Variants in MYO15A observed in about 807,000 individuals in gnomAD.
The protein encoded by MYO15A is unconventional myosin-XV.
A neutral mutation model predicts 394.6 loss-of-function variants in MYO15A; 308 were observed. The observed-to-expected ratio is 0.78, with a 90% CI of 0.71 to 0.86. The LOEUF (loss-of-function observed/expected upper bound fraction) is 0.86, where lower values mean the gene tolerates loss of function less well. Among genes scored for constraint, MYO15A ranks in the 40% least tolerant of loss-of-function variants. The probability of loss-of-function intolerance (pLI) is 0.00; values close to 1 mark genes in which losing one functional copy is unlikely to be tolerated. For missense variants in MYO15A, 4,606 were observed against 4,799.1 expected, an observed-to-expected ratio of 0.96 and a Z score of 1.19; for synonymous variants, 1,957 against 2,003.8, an observed-to-expected ratio of 0.98 and a Z score of 0.62.
At position 18,145,797 on chromosome 17, in the gene MYO15A, G is replaced by C. The variant is rs886345023; in HGVS notation, c.6274-75G>C. 1.6e-4 allele frequency: 209 copies of C among 1,299,772 alleles called. 1 individual carries two copies. Among genetic ancestry groups the C allele is most frequent in the Non-Finnish European group, 1.7e-5 (15 of 904,674 alleles). The allele number at this position is 1,299,772 out of a possible 1,614,324, so 80.5% of individuals were successfully genotyped here. On this transcript the variant is annotated intron_variant, in intron 29 of 65. Coordinates refer to ENST00000647165, the MANE Select transcript of MYO15A (RefSeq NM_016239.4). ...GGGCACACATGGGAGGGACATGAGA[G>C]GGATGCATGTTGTGGGGTGGGGACT...
At chr17:18,145,722 C>A (rs1490698319) in intron 29 of MYO15A, 150 bp from the exon 30 acceptor site, 11 of 679,976 alleles carry the variant, frequency 1.6e-5, no homozygotes, top group African/African-American at 5.4e-5. Flanking sequence ...AAAAAATATT[C>A]TATATATATA....
At position 18,139,523 on chromosome 17, in the gene MYO15A, C is replaced by T. The variant is rs1329159431; in HGVS notation, c.5134-11C>T. On this transcript the variant is annotated splice_polypyrimidine_tract_variant and intron_variant, in intron 18 of 65. Coordinates refer to ENST00000647165, the MANE Select transcript of MYO15A (RefSeq NM_016239.4). The stretch of plus-strand genomic sequence containing the variant: ...GGCCAGGATTACCCAGGCCATTGTT[C>T]CCCTTTTCAGGTGCACAAGTTCCTG... 1 of 1,613,508 alleles carries T rather than the reference C, an allele frequency of 6.2e-7. No homozygotes were observed. Among genetic ancestry groups the T allele is most frequent in the Non-Finnish European group, 8.5e-7 (1 of 1,179,760 alleles).
chr17:18,116,526 A>T (rs2045787508), intron 1 of MYO15A, among the ~76,000 whole-genome samples: 1 of 152,222 alleles, frequency 6.6e-6, no homozygotes, highest in Non-Finnish European at 1.5e-5. Flanking sequence ...ACCTGCTGTG[A>T]GAGTCCCATG....
rs971920433 is a variant in MYO15A at position 18,167,696 on chromosome 17, C to A, written c.10055C>A (p.Ala3352Asp). ...VSKLASLQHR[A>D]KDHFYLPSVR... ...AAGCTGGCTTCACTGCAGCATCGCG[C>A]CAAGGACCACTTCTACCTGCCGAGC... is the stretch of plus-strand genomic sequence containing the variant. Residue 3352 changes from alanine (A) to aspartate (D), a missense_variant, in exon 62 of 66, where the codon GCC becomes GAC. By Grantham distance (126) the Ala-to-Asp change is moderately radical (BLOSUM62 -2). Coordinates refer to ENST00000647165, the MANE Select transcript of MYO15A (RefSeq NM_016239.4). 6.2e-7 allele frequency: 1 copy of A among 1,603,996 alleles called. No homozygotes were observed. The highest frequency in any genetic ancestry group is 2.2e-5 in the East Asian group (1 of 44,876).
chr17:18,128,210 G>A (rs1269249470), intron 7 of MYO15A, among the ~76,000 whole-genome samples: 19 of 152,136 alleles, frequency 1.2e-4, no homozygotes, highest in Admixed American at 1.2e-3. Flanking sequence ...GGCAGGCTGG[G>A]CAGTGGAGGA....
At chr17:18,146,765 A>C (rs1291498958) in intron 30 of MYO15A, among the ~76,000 whole-genome samples, 1 of 152,100 alleles carries the variant, frequency 6.6e-6, no homozygotes, top group African/African-American at 2.4e-5. Context: ...TCTCTGCAAA[A>C]AATTTAAAAA....
chr17:18,119,479 G>C lies in MYO15A; in HGVS notation c.679G>C (p.Glu227Gln). ...CTCCCGCAAGTCGCTGTACGGGCTT[G>C]AGGGCTTCCAGGACCTGGGCGAGTA... The part of the protein sequence containing the change: ...SGSRKSLYGL[E>Q]GFQDLGEYYD... Residue 227 changes from glutamate (E) to glutamine (Q), a missense_variant, in exon 2 of 66, where the codon GAG (glutamate) becomes CAG (glutamine). This residue lies in a region of MYO15A where 1,830 missense variants were observed against 1,689.7 expected (regional missense o/e 1.08). Coordinates refer to ENST00000647165, the MANE Select transcript of MYO15A (RefSeq NM_016239.4). 6.2e-7 allele frequency: 1 copy of C among 1,612,676 alleles called. No homozygotes were observed. Among genetic ancestry groups the C allele is most frequent in the Non-Finnish European group, 8.5e-7 (1 of 1,179,996 alleles).
At position 18,120,432 on chromosome 17, in the gene MYO15A, C is replaced by A. The variant is rs752316162; in HGVS notation, c.1632C>A (p.Arg544=). ...CGCCGCGCCAGCGCAACCTCCAGCG[C>A]GCGCTGTCGGCCTTCGGCGCCCACC... is the stretch of plus-strand genomic sequence containing the variant. ...FLTPRQRNLQ[R]ALSAFGAHRG... The change falls in exon 2 of 66, where the codon CGC becomes CGA. Residue 544 remains arginine, a synonymous_variant. Transcript: ENST00000647165. The A allele has an allele frequency of 1.9e-5, 30 of 1,592,524 alleles. No homozygotes were observed. Among genetic ancestry groups the A allele is most frequent in the Non-Finnish European group, 2.6e-5 (30 of 1,171,564 alleles).
Position 18,159,993 on chromosome 17 carries a change from T to A in MYO15A, c.9362T>A (p.Ile3121Asn). The A allele has an allele frequency of 6.2e-7, 1 of 1,613,224 alleles. No homozygotes were observed. The change falls in exon 56 of 66, where the codon ATC (isoleucine) becomes AAC (asparagine). Residue 3121 changes from isoleucine to asparagine, a missense_variant. Physicochemically the swap from Ile to Asn is moderately radical, Grantham distance 149 (BLOSUM62 -3). Around this residue, in one of 2 missense-constraint regions of MYO15A, gnomAD observed 2,776 missense variants for 3,109.3 expected, o/e 0.89. Coordinates refer to ENST00000647165, the MANE Select transcript of MYO15A (RefSeq NM_016239.4). ...DECYCQVVKQITDNTSSKQDS... is the reference protein window; with the variant it reads ...DECYCQVVKQNTDNTSSKQDS... ...TGTTACTGCCAAGTTGTGAAGCAGA[T>A]CACAGACAATACCAGCTCCAAGCAG...
chr17:18,159,453 C>T (rs1427538801), intron 54 of MYO15A, 106 bp downstream of exon 54: 13 of 1,494,318 alleles, frequency 8.7e-6, no homozygotes, highest in African/African-American at 2.8e-5. Flanking sequence ...CTTTCCCTCC[C>T]GCCAGCTCAG....
At chr17:18,173,583 T>A in intron 64 of MYO15A, 198 bp from the exon 65 acceptor site, 1 of 683,404 alleles carries the variant, frequency 1.5e-6, no homozygotes, top group South Asian at 1.7e-5. Flanking sequence ...ATTTGTTGAA[T>A]CAATTTTATA....
chr17:18,115,712 T>C (rs547499713), intron 1 of MYO15A, among the ~76,000 whole-genome samples: 40 of 152,200 alleles, frequency 2.6e-4, no homozygotes, highest in African/African-American at 8.7e-4. Flanking sequence ...CAAGCCCTCA[T>C]TGTGGCCCAC....
At chr17:18,112,320 C>T (rs2045732057) in intron 1 of MYO15A, among the ~76,000 whole-genome samples, 1 of 152,140 alleles carries the variant, frequency 6.6e-6, no homozygotes, top group Admixed American at 6.5e-5. Flanking sequence ...CCCTGACATT[C>T]TTCCTGAGAG....
chr17:18,141,984 T>C, intron 23 of MYO15A, 95 bp from the exon 24 acceptor site: 1 of 1,501,900 alleles, frequency 6.7e-7, no homozygotes, highest in Non-Finnish European at 9.2e-7. Context: ...GAGGCTGCCC[T>C]GCCTATTCTG....
chr17:18,171,891 G>C, intron 63 of MYO15A, 120 bp downstream of exon 63: 2 of 1,450,492 alleles, frequency 1.4e-6, no homozygotes, highest in Non-Finnish European at 1.8e-6. Context: ...TGCCAGTCAA[G>C]CTGAGCACCT....
intron 5 of MYO15A, 70 bp downstream of exon 5, chr17:18,126,526 C>A: frequency 7.1e-7 from 1 of 1,417,784 alleles, no homozygotes; most frequent in Non-Finnish European, 9.8e-7. Flanking sequence ...GAGCCTGGAT[C>A]CCGGCTGCAC....
intron 53 of MYO15A, 104 bp downstream of exon 53, chr17:18,159,101 G>C: frequency 7.0e-7 from 1 of 1,420,392 alleles, no homozygotes; most frequent in Non-Finnish European, 9.8e-7. Flanking sequence ...GAGACCCTCT[G>C]ATTCTCAGCA....
intron 5 of MYO15A, 85 bp downstream of exon 5, chr17:18,126,541 G>T: frequency 7.4e-7 from 1 of 1,354,096 alleles, no homozygotes; most frequent in Non-Finnish European, 1.0e-6. Flanking sequence ...CTGCACCTGA[G>T]CCATGAGTCA....
chr17:18,141,506 C>T, intron 22 of MYO15A, 147 bp from the exon 23 acceptor site: 1 of 802,896 alleles, frequency 1.2e-6, no homozygotes, highest in Non-Finnish European at 2.1e-6. Flanking sequence ...GGATGGAGTG[C>T]CTTTTTTCAG....
Sources: gnomAD v4.1 joint callset for allele counts (sites outside exome capture counted in the v4.1 genomes callset) on GRCh38, gnomAD v4.1.1 for gene constraint, gnomAD v4.1.1 regional missense constraint, MANE v1.5 for transcripts, NCBI Gene and HGNC (gene_info 2026-07-23, HGNC 2026-07-21) for gene names.